Variants in WDFY3 observed in about 807,000 individuals in gnomAD.
WDFY3 encodes WD repeat and FYVE domain containing 3.
A neutral mutation model predicts 409.6 loss-of-function variants in WDFY3; 66 were observed. That is an observed-to-expected ratio of 0.16 (90% CI 0.13 to 0.20). WDFY3 has a LOEUF of 0.20. Among genes scored for constraint, WDFY3 ranks in the 10% least tolerant of loss-of-function variants. The pLI is 1.00. For missense variants in WDFY3, 3,031 were observed against 4,298.1 expected (o/e 0.71, Z 8.24); for synonymous variants, 1,521 against 1,537.1 (o/e 0.99, Z 0.25).
At chr4:84,829,949 TATCTTATC>T (rs1755458092) in intron 8 of WDFY3, among the ~76,000 whole-genome samples, 2 of 152,066 alleles carry the variant, frequency 1.3e-5, no homozygotes, top group Non-Finnish European at 2.9e-5. Flanking sequence ...AACACAGTTA[TATCTTATC>T]CCTGACTCTG....
In WDFY3 at chr4:84,810,171, A is replaced by G; in HGVS notation, c.2061T>C (p.Thr687=). Residue 687 remains threonine (T), a synonymous_variant, in exon 14 of 68, where the codon ACT becomes ACC. Transcript: ENST00000295888. The stretch of plus-strand genomic sequence containing the variant: ...TTGCTGCAGTCAACGTGCAGAACAC[A>G]GTGTGAAGAAGTTCAAACACTTGAT... The part of the protein sequence containing the change: ...NQNQVFELLH[T]VFCTLTAAMR... The G allele has an allele frequency of 6.2e-7, 1 of 1,614,170 alleles. No individual in the cohort carries two copies. Among genetic ancestry groups the G allele is most frequent in the Non-Finnish European group, 8.5e-7 (1 of 1,180,000 alleles).
At chr4:84,699,479 G>C (rs978021927) in intron 56 of WDFY3, among the ~76,000 whole-genome samples, 4 of 152,142 alleles carry the variant, frequency 2.6e-5, no homozygotes, top group Admixed American at 2.6e-4. Flanking sequence ...CATCTGGGCT[G>C]TTTCTGCCAT....
At chr4:84,864,764 G>A (rs923319423) in intron 3 of WDFY3, among the ~76,000 whole-genome samples, 4 of 152,036 alleles carry the variant, frequency 2.6e-5, no homozygotes, top group African/African-American at 9.7e-5. Flanking sequence ...ACTTATATTA[G>A]GTATCAATTT....
intron 15 of WDFY3, among the ~76,000 whole-genome samples, chr4:84,807,663 G>A (rs1423570711): frequency 6.6e-6 from 1 of 152,118 alleles, no homozygotes; most frequent in African/African-American, 2.4e-5. Context: ...TTTATGTGCA[G>A]GTTGCATCAA....
intron 5 of WDFY3, among the ~76,000 whole-genome samples, chr4:84,844,779 C>T (rs752171541): frequency 1.3e-5 from 2 of 152,206 alleles, no homozygotes; most frequent in Non-Finnish European, 2.9e-5. Flanking sequence ...AGAATTAGAA[C>T]TGGCTGAGCT....
chr4:84,880,670 CATACATATATATATAT>C (rs1164012789), intron 3 of WDFY3, among the ~76,000 whole-genome samples: 2 of 55,218 alleles, frequency 3.6e-5, no homozygotes, highest in African/African-American at 1.6e-4. Context: ...ATAAGGGAAC[CATACATATATATATAT>C]ATATATATAT....
rs372650880 is a variant in WDFY3, at chr4:84,738,969, A to G, written c.6574+41T>C. ...GTTATGTCTTAAAAACTGGAGATAA[A>G]ACAACCACAATTTAAAAACATCCCA... On this transcript the variant is annotated intron_variant, in intron 40 of 67. Transcript: ENST00000295888. The G allele has an allele frequency of 1.9e-5, 31 of 1,605,522 alleles. No homozygotes were observed. The African/African-American group carries it at 3.9e-4, about 20-fold the overall frequency.
chr4:84,760,539 G>A (rs1742370537), intron 32 of WDFY3, among the ~76,000 whole-genome samples: 1 of 152,152 alleles, frequency 6.6e-6, no homozygotes, highest in Non-Finnish European at 1.5e-5. Flanking sequence ...TTGGGAGAGT[G>A]TATGTGTCAA....
intron 1 of WDFY3, among the ~76,000 whole-genome samples, chr4:84,950,204 C>A (rs1290680635): frequency 6.7e-6 from 1 of 150,334 alleles, no homozygotes; most frequent in African/African-American, 2.5e-5. Flanking sequence ...ACAATGAGAA[C>A]ACATGGACAC....
intron 1 of WDFY3, among the ~76,000 whole-genome samples, chr4:84,961,970 T>C (rs1434182268): frequency 1.3e-5 from 2 of 152,226 alleles, no homozygotes; most frequent in African/African-American, 4.8e-5. Context: ...TCAAGAAAAC[T>C]GAACATTTTT....
intron 40 of WDFY3, 28 bp from the exon 41 acceptor site, chr4:84,737,394 A>AC: frequency 6.6e-7 from 1 of 1,522,518 alleles, no homozygotes; most frequent in Non-Finnish European, 8.8e-7. Flanking sequence ...AAACAAACAA[A>AC]AAAGTAAGCA....
chr4:84,894,903 T>C (rs927894447), intron 3 of WDFY3, among the ~76,000 whole-genome samples: 3 of 148,686 alleles, frequency 2.0e-5, no homozygotes, highest in Non-Finnish European at 4.4e-5. Flanking sequence ...TGAGCCAAAA[T>C]TGCACCACGG....
At position 84,821,512 on chromosome 4, in the gene WDFY3, T is replaced by C; in HGVS notation, c.1163A>G (p.Gln388Arg). 1 of 1,613,692 alleles carries C rather than the reference T, an allele frequency of 6.2e-7. No individual in the cohort carries two copies. The change falls in exon 11 of 68, where the codon CAG (glutamine) becomes CGG (arginine). Residue 388 changes from glutamine (Q) to arginine (R), a missense_variant. Coordinates refer to ENST00000295888, the MANE Select transcript of WDFY3 (RefSeq NM_014991.6). ...GGTTTTTGCTTTTAAAAATGCATTC[T>C]GAAGAACTGCAAAGGCCTGGACGTT... ...VRNVQAFAVL[Q>R]NAFLKAKTSF...
chr4:84,956,664 G>C (rs893006128), intron 1 of WDFY3, among the ~76,000 whole-genome samples: 6 of 152,114 alleles, frequency 3.9e-5, no homozygotes, highest in Non-Finnish European at 8.8e-5. Flanking sequence ...GTACCTAGTT[G>C]ATACAAAGTT....
intron 3 of WDFY3, among the ~76,000 whole-genome samples, chr4:84,874,429 A>C (rs1194221710): frequency 5.9e-5 from 9 of 152,032 alleles, no homozygotes; most frequent in Admixed American, 1.3e-4. Context: ...AAAACAAACA[A>C]ACACAAAGCA....
intron 3 of WDFY3, among the ~76,000 whole-genome samples, chr4:84,878,121 G>A (rs1174044187): frequency 6.6e-6 from 1 of 152,038 alleles, no homozygotes; most frequent in African/African-American, 2.4e-5. Context: ...TATAAATTCA[G>A]AAAATAAGAA....
chr4:84,864,726 T>C (rs1484092025), intron 3 of WDFY3, among the ~76,000 whole-genome samples: 4 of 152,168 alleles, frequency 2.6e-5, no homozygotes, highest in African/African-American at 9.7e-5. Context: ...GCCTTCCAAC[T>C]CCCAGTTAAG....
Position 84,810,020 on chromosome 4 carries a change from G to C in WDFY3, c.2212C>G (p.Pro738Ala). The part of the protein sequence containing the change: ...LRKISAMNVF[P>A]SNTQPFQRLL... ...CTTTGAAATGGCTGTGTATTTGAGGGGAAGACATTCATGGCGCTTATTTTT... is the reference window on the plus strand; with the variant it reads ...CTTTGAAATGGCTGTGTATTTGAGGCGAAGACATTCATGGCGCTTATTTTT... The change falls in exon 14 of 68, where the codon CCC becomes GCC. Residue 738 changes from proline to alanine, a missense_variant. Pro to Ala is a conservative substitution (Grantham distance 27). Transcript: ENST00000295888. 1.9e-6 allele frequency: 3 copies of C among 1,614,134 alleles called. No individual in the cohort carries two copies. The highest frequency in any genetic ancestry group is 2.5e-6 in the Non-Finnish European group (3 of 1,179,998).
chr4:84,761,600 A>C (rs1742606024), intron 32 of WDFY3, among the ~76,000 whole-genome samples: 1 of 152,176 alleles, frequency 6.6e-6, no homozygotes, highest in Admixed American at 6.5e-5. Flanking sequence ...ACAAAAGCCA[A>C]AATTGACAAA....
Sources: allele counts gnomAD v4.1 joint callset (sites outside exome capture counted in the v4.1 genomes callset), GRCh38; gene constraint gnomAD v4.1.1; transcripts MANE v1.5; gene names NCBI Gene and HGNC (gene_info 2026-07-23, HGNC 2026-07-21).